NXPE2: variants seen among roughly 807,000 people sequenced by gnomAD.
The protein encoded by NXPE2 is neurexophilin and PC-esterase domain family member 2.
Under a neutral mutation model 34.4 loss-of-function variants are expected in NXPE2, and 34 were observed. That is an observed-to-expected ratio of 0.99 (90% CI 0.75 to 1.31). The LOEUF (loss-of-function observed/expected upper bound fraction) is 1.31, where lower values mean the gene tolerates loss of function less well. Among genes scored for constraint, NXPE2 ranks in the 40% most tolerant of loss-of-function variants. The pLI is 0.00. For missense variants in NXPE2, 649 were observed against 672.5 expected (o/e 0.97, Z 0.39); for synonymous variants, 235 against 231.3 (o/e 1.02, Z -0.15).
chr11:114,756,318 A>T, the NXPE2 span, among the ~76,000 whole-genome samples: 3 of 152,212 alleles, frequency 2.0e-5, no homozygotes, highest in Non-Finnish European at 4.4e-5. Context: ...TAGCTCTATG[A>T]TACATGTTCC....
the NXPE2 span, among the ~76,000 whole-genome samples, chr11:114,578,502 G>C: frequency 1.3e-5 from 2 of 152,150 alleles, no homozygotes; most frequent in Non-Finnish European, 2.9e-5. Flanking sequence ...TAGGAGTTTA[G>C]TCATTTACCA....
the NXPE2 span, among the ~76,000 whole-genome samples, chr11:114,599,737 A>T: frequency 6.6e-6 from 1 of 152,020 alleles, no homozygotes; most frequent in African/African-American, 2.4e-5. Context: ...AAACAACAAG[A>T]TCTTGTGAGA....
chr11:114,475,963 C>G, the NXPE2 span, among the ~76,000 whole-genome samples: 3 of 152,220 alleles, frequency 2.0e-5, no homozygotes, highest in Non-Finnish European at 2.9e-5. Context: ...TGACTGGTCA[C>G]TGATCGTGAT....
the NXPE2 span, chr11:114,580,241 A>G: frequency 1.2e-6 from 2 of 1,613,906 alleles, no homozygotes; most frequent in Non-Finnish European, 1.7e-6. Flanking sequence ...TAGCCAAACT[A>G]CAGGAGACAG....
At chr11:114,664,673 G>A in the NXPE2 span, among the ~76,000 whole-genome samples, 24 of 152,146 alleles carry the variant, frequency 1.6e-4, no homozygotes, top group Admixed American at 1.6e-3. Flanking sequence ...TTTGACTTAT[G>A]AGTTGTTGAC....
At chr11:114,773,204 G>T in the NXPE2 span, among the ~76,000 whole-genome samples, 7 of 151,274 alleles carry the variant, frequency 4.6e-5, no homozygotes, top group Admixed American at 4.6e-4. Context: ...CTCATCCTAG[G>T]CTCCTTCAAT....
the NXPE2 span, among the ~76,000 whole-genome samples, chr11:114,718,001 C>T: frequency 1.3e-5 from 2 of 152,178 alleles, no homozygotes; most frequent in African/African-American, 4.8e-5. Flanking sequence ...ATTTTAAGGG[C>T]TGAGTTCTGC....
At chr11:114,697,928 AT>A in intron 2 of NXPE2, 116 bp from the exon 3 acceptor site, 3 of 1,040,004 alleles carry the variant, frequency 2.9e-6, no homozygotes, top group Non-Finnish European at 3.9e-6. Flanking sequence ...GTTAGTATCG[AT>A]TTTTGATATT....
At chr11:114,630,143 A>G in the NXPE2 span, among the ~76,000 whole-genome samples, 1 of 151,754 alleles carries the variant, frequency 6.6e-6, no homozygotes, top group Non-Finnish European at 1.5e-5. Flanking sequence ...GCTACCAATG[A>G]CTTTCTTCAC....
the NXPE2 span, among the ~76,000 whole-genome samples, chr11:114,497,610 CATATAGCCT>C: frequency 6.6e-6 from 1 of 152,164 alleles, no homozygotes; most frequent in African/African-American, 2.4e-5. Flanking sequence ...TAGGCAATAT[CATATAGCCT>C]AGGTGTGTGG....
chr11:114,597,530 A>G, the NXPE2 span, among the ~76,000 whole-genome samples: 3 of 152,238 alleles, frequency 2.0e-5, no homozygotes, highest in African/African-American at 7.2e-5. Flanking sequence ...TTATGCATAC[A>G]TGGGTTCATG....
chr11:114,535,407 A>G, the NXPE2 span, among the ~76,000 whole-genome samples: 3 of 152,246 alleles, frequency 2.0e-5, no homozygotes, highest in Non-Finnish European at 4.4e-5. Flanking sequence ...CATCATAAAG[A>G]CAGGATCAAA....
chr11:114,636,573 C>G, the NXPE2 span, among the ~76,000 whole-genome samples: 1 of 141,934 alleles, frequency 7.0e-6, no homozygotes, highest in Admixed American at 6.9e-5. Flanking sequence ...AATTTTGGAT[C>G]TTTCCTGCTT....
chr11:114,776,218 C>T, the NXPE2 span, among the ~76,000 whole-genome samples: 1 of 152,232 alleles, frequency 6.6e-6, no homozygotes, highest in Non-Finnish European at 1.5e-5. Context: ...CCAGCGGCCC[C>T]CGTGTCCGGG....
chr11:114,547,103 T>TG, the NXPE2 span, among the ~76,000 whole-genome samples: 1 of 152,144 alleles, frequency 6.6e-6, no homozygotes, highest in African/African-American at 2.4e-5. Flanking sequence ...ATTGACCTAG[T>TG]GACCTCTTTT....
At chr11:114,710,747 A>G (rs907197457), downstream of NXPE2, among the ~76,000 whole-genome samples, 2 of 152,164 alleles carry the variant, frequency 1.3e-5, no homozygotes, top group South Asian at 2.1e-4. Flanking sequence ...AACTCATTCT[A>G]TGAGGCAAGT....
the NXPE2 span, among the ~76,000 whole-genome samples, chr11:114,626,146 G>A: frequency 9.2e-3 from 1,407 of 152,220 alleles, 21 homozygotes; most frequent in African/African-American, 0.032. Flanking sequence ...CAAAGCAGCC[G>A]GGAAGCTCGA....
chr11:114,800,218 T>G, the NXPE2 span, among the ~76,000 whole-genome samples: 3 of 152,198 alleles, frequency 2.0e-5, no homozygotes, highest in African/African-American at 7.2e-5. Flanking sequence ...ATTGCAAGCT[T>G]CTTGGATGAG....
rs760647566 is a variant in NXPE2 at position 114,706,538 on chromosome 11, T to A, written c.1288T>A (p.Tyr430Asn). 6.4e-7 allele frequency: 1 copy of A among 1,551,868 alleles called. No homozygotes were observed. Among genetic ancestry groups the A allele is most frequent in the South Asian group, 1.2e-5 (1 of 84,064 alleles). The change falls in exon 6 of 6, where the codon TAT (tyrosine) becomes AAT (asparagine). Residue 430 changes from tyrosine (Y) to asparagine (N), a missense_variant. Transcript: ENST00000389586. ...KKLFSVKDENYIPREIDQVAG... is the reference protein window; with the variant it reads ...KKLFSVKDENNIPREIDQVAG... ...ATTATTCTCAGTGAAAGATGAAAAC[T>A]ATATCCCACGGGAAATTGACCAGGT...
Sources: allele counts gnomAD v4.1 joint callset (sites outside exome capture counted in the v4.1 genomes callset), GRCh38; gene constraint gnomAD v4.1.1; transcripts MANE v1.5; gene names NCBI Gene and HGNC (gene_info 2026-07-23, HGNC 2026-07-21).